The following LONP2 variants were observed in gnomAD, a reference collection of about 807,000 sequenced individuals.
LONP2 encodes lon peptidase 2, peroxisomal.
Under a neutral mutation model 85.6 loss-of-function variants are expected in LONP2, and 60 were observed. The observed-to-expected ratio is 0.70, with a 90% CI of 0.57 to 0.87. The LOEUF is 0.87. LONP2 is among the 40% of genes least tolerant of loss of function. LONP2 has a pLI of 0.00. For synonymous variants in LONP2, 395 were observed against 389.7 expected, an observed-to-expected ratio of 1.01 and a Z score of -0.16; for missense variants, 860 against 1,063.5, an observed-to-expected ratio of 0.81 and a Z score of 2.66.
intron 10 of LONP2, 143 bp downstream of exon 10, chr16:48,299,931 A>G (rs1972767611): frequency 2.6e-6 from 2 of 775,324 alleles, no homozygotes; most frequent in Non-Finnish European, 4.0e-6. Context: ...AGATTAGTTT[A>G]TTGGCATCCC....
chr16:48,309,059 A>G (rs1378349462), intron 11 of LONP2, among the ~76,000 whole-genome samples: 1 of 152,212 alleles, frequency 6.6e-6, no homozygotes, highest in Non-Finnish European at 1.5e-5. Flanking sequence ...AAAATGCTCA[A>G]TATCACTAAT....
At chr16:48,247,446 T>C (rs1378542185) in intron 1 of LONP2, 4 of 152,508 alleles carry the variant, frequency 2.6e-5, no homozygotes, top group Admixed American at 6.5e-5. Context: ...CAGCGTTCTT[T>C]GCCACACAGA....
At position 48,253,841 on chromosome 16, in the gene LONP2, CT is replaced by C. The variant is rs141841238; in HGVS notation, c.468+1478del. Reference sequence around the variant, plus strand: ...TGCATCAAATTTAATTTTTGTTCGTCTTCTGGGCTCAGTTCATATTCAATTA... The same window carrying C: ...TGCATCAAATTTAATTTTTGTTCGTCTCTGGGCTCAGTTCATATTCAATTA... On this transcript the variant is annotated intron_variant, in intron 2 of 14. Transcript: ENST00000285737. Among the ~76,000 whole-genome samples the C allele has an allele frequency of 2.3e-3, 348 of 152,282 alleles. 2 individuals are homozygous for C. The highest frequency in any genetic ancestry group is 8.2e-3 in the African/African-American group (340 of 41,556).
intron 7 of LONP2, among the ~76,000 whole-genome samples, chr16:48,270,601 A>G (rs982618385): frequency 6.6e-6 from 1 of 152,178 alleles, no homozygotes; most frequent in African/African-American, 2.4e-5. Flanking sequence ...CATGCCATAA[A>G]TAATGATCCC....
intron 8 of LONP2, among the ~76,000 whole-genome samples, chr16:48,281,100 T>C (rs935124562): frequency 6.6e-6 from 1 of 152,170 alleles, no homozygotes; most frequent in Non-Finnish European, 1.5e-5. Flanking sequence ...ATTTGTAAAA[T>C]GTATAAGATT....
At position 48,356,636 on chromosome 16, in the gene LONP2, C is replaced by A. The variant is rs142257321; in HGVS notation, c.*4834C>A. The A allele has an allele frequency of 8.7e-5, 30 of 345,868 alleles. No individual in the cohort carries two copies. In the East Asian group the frequency reaches 2.2e-3, roughly 25 times the overall value. The allele number at this position is 345,868 out of a possible 1,614,324, so 21.4% of individuals were successfully genotyped here. A position where few individuals can be genotyped will look rare whatever the true frequency, so the allele number is the denominator to read the frequency against. On this transcript the variant is annotated 3_prime_UTR_variant, in exon 15 of 15. Transcript: ENST00000285737. Reference sequence around the variant, plus strand: ...CATTTGGTGGATACCACAATGAAAACTGCACTTAAAAAACAAAAATGCTGA... The same window carrying A: ...CATTTGGTGGATACCACAATGAAAAATGCACTTAAAAAACAAAAATGCTGA...
intron 11 of LONP2, among the ~76,000 whole-genome samples, chr16:48,315,908 C>T (rs1212984045): frequency 7.2e-6 from 1 of 138,444 alleles, no homozygotes; most frequent in Non-Finnish European, 1.6e-5. Context: ...TTGCTTTCTT[C>T]TATTTTTTTG....
chr16:48,339,585 A>G (rs1177532685), intron 12 of LONP2, among the ~76,000 whole-genome samples: 1 of 152,204 alleles, frequency 6.6e-6, no homozygotes, highest in Non-Finnish European at 1.5e-5. Context: ...TGCTGCTGAG[A>G]GTAATCCAGT....
chr16:48,289,891 A>G (rs1972524060), intron 8 of LONP2, among the ~76,000 whole-genome samples: 1 of 152,174 alleles, frequency 6.6e-6, no homozygotes, highest in African/African-American at 2.4e-5. Flanking sequence ...TTTTGTTATT[A>G]TGCATCATAT....
chr16:48,309,602 C>G (rs1177304032), intron 11 of LONP2, among the ~76,000 whole-genome samples: 1 of 152,064 alleles, frequency 6.6e-6, no homozygotes, highest in Non-Finnish European at 1.5e-5. Context: ...TGTCATTGAC[C>G]CAAAGGTTGT....
chr16:48,347,511 C>A lies in LONP2; in HGVS notation c.1943C>A (p.Ser648Tyr). Residue 648 changes from serine to tyrosine, a missense_variant, in exon 13 of 15, where the codon TCT becomes TAT. Ser to Tyr is a moderately radical substitution (Grantham distance 144). Around this residue, in one of 3 missense-constraint regions of LONP2, gnomAD observed 743 missense variants for 917.3 expected, o/e 0.81. Coordinates refer to ENST00000285737, the MANE Select transcript of LONP2 (RefSeq NM_031490.5). ...LGPPMYEMEVSQRLSQPGVAI... is the reference protein window; with the variant it reads ...LGPPMYEMEVYQRLSQPGVAI... ...GATCATTCTTCTTCTTTCAAGGTAT[C>A]TCAGCGTTTGAGTCAGCCAGGAGTA... The A allele has an allele frequency of 1.2e-6, 2 of 1,614,202 alleles. No homozygotes were observed. Among genetic ancestry groups the A allele is most frequent in the South Asian group, 1.1e-5 (1 of 91,078 alleles).
downstream of LONP2, chr16:48,361,769 A>G: frequency 6.2e-7 from 1 of 1,614,046 alleles, no homozygotes; most frequent in Non-Finnish European, 8.5e-7. Flanking sequence ...GGTAAGCAAA[A>G]TTTTCAGCTT....
intron 8 of LONP2, among the ~76,000 whole-genome samples, chr16:48,286,651 C>G (rs889647240): frequency 6.6e-6 from 1 of 152,020 alleles, no homozygotes; most frequent in Non-Finnish European, 1.5e-5. Context: ...ACTACAGGCA[C>G]ACACCAGCAT....
At chr16:48,294,540 T>C (rs759540935) in intron 8 of LONP2, among the ~76,000 whole-genome samples, 4 of 152,062 alleles carry the variant, frequency 2.6e-5, no homozygotes, top group Admixed American at 1.3e-4. Flanking sequence ...CCAAGGCAGG[T>C]GGATTGCTTG....
Position 48,356,020 on chromosome 16 carries a change from T to G in LONP2, c.*4218T>G, listed in dbSNP as rs1205491463. The G allele has an allele frequency of 6.6e-6, 1 of 152,196 alleles. No individual in the cohort carries two copies. The highest frequency in any genetic ancestry group is 1.5e-5 in the Non-Finnish European group (1 of 68,028). 9.4% of individuals were successfully genotyped at this position (152,196 alleles called of 1,614,324 possible). A position where few individuals can be genotyped will look rare whatever the true frequency, so the allele number is the denominator to read the frequency against. ...CATGTTTTTACTTGGCTCTGCCCCT[T>G]TAGTGGTCCCTGTGAACCTTACCTC... is the stretch of plus-strand genomic sequence containing the variant. On this transcript the variant is annotated 3_prime_UTR_variant, in exon 15 of 15. Transcript: ENST00000285737.
At chr16:48,326,941 T>C (rs1326973572) in intron 11 of LONP2, among the ~76,000 whole-genome samples, 1 of 152,240 alleles carries the variant, frequency 6.6e-6, no homozygotes, top group Admixed American at 6.5e-5. Context: ...AGCTGCTTGC[T>C]TAGGAAAAGC....
chr16:48,358,026 G>A (rs1284347069), downstream of LONP2, among the ~76,000 whole-genome samples: 2 of 152,140 alleles, frequency 1.3e-5, no homozygotes, highest in Admixed American at 6.5e-5. Context: ...AGAAATGGAG[G>A]AAGTCTTCGT....
chr16:48,333,784 A>G (rs1317153114), intron 11 of LONP2, among the ~76,000 whole-genome samples: 1 of 151,980 alleles, frequency 6.6e-6, no homozygotes, highest in Non-Finnish European at 1.5e-5. Context: ...AGTTATGCTG[A>G]TATAACAGAG....
At chr16:48,321,968 CT>C (rs1285668927) in intron 11 of LONP2, among the ~76,000 whole-genome samples, 1 of 135,566 alleles carries the variant, frequency 7.4e-6, no homozygotes, top group Admixed American at 7.3e-5. Context: ...ACTTCTTTTT[CT>C]TTTTTTGAGA....
Sources: allele counts gnomAD v4.1 joint callset (sites outside exome capture counted in the v4.1 genomes callset), GRCh38; gene constraint gnomAD v4.1.1; regional missense constraint gnomAD v4.1.1; transcripts MANE v1.5; gene names NCBI Gene and HGNC (gene_info 2026-07-23, HGNC 2026-07-21).